Variants in PSMB2 observed in about 807,000 individuals in gnomAD.
The protein encoded by PSMB2 is proteasome 20S subunit beta 2, also known as proteasome subunit beta type-2.
In PSMB2, 13 loss-of-function variants were observed where a neutral mutation model predicts 25.7. That is an observed-to-expected ratio of 0.51 (90% confidence interval 0.33 to 0.80). The LOEUF (loss-of-function observed/expected upper bound fraction) is 0.80. Among genes scored for constraint, PSMB2 ranks in the 30% least tolerant of loss-of-function variants. PSMB2 has a pLI of 0.02. For missense variants in PSMB2, 202 were observed against 259.0 expected, an observed-to-expected ratio of 0.78 and a Z score of 1.51; for synonymous variants, 87 against 96.2, an observed-to-expected ratio of 0.90 and a Z score of 0.56.
intron 3 of PSMB2, among the ~76,000 whole-genome samples, chr1:35,623,620 T>C (rs1248372380): frequency 6.6e-6 from 1 of 152,186 alleles, no homozygotes; most frequent in Non-Finnish European, 1.5e-5. Flanking sequence ...AATAAACACA[T>C]CTGCCTTTGC....
Position 35,599,818 on chromosome 1 carries a change from C to T in PSMB2, c.*3449G>A, listed in dbSNP as rs1012122857. 4.1e-6 allele frequency: 4 copies of T among 984,970 alleles called. No homozygotes were observed. In the African/African-American group the frequency reaches 7.0e-5, roughly 17 times the overall value. 61.0% of individuals were successfully genotyped at this position (984,970 alleles called of 1,614,324 possible). On this transcript the variant is annotated 3_prime_UTR_variant, in exon 6 of 6. Transcript: ENST00000373237. ...GTCTAAGAAACGATAGGGGGTGAAC[C>T]AGAGTAATGGGGATGGAGATTTATA...
chr1:35,615,598 G>A lies in PSMB2; in HGVS notation c.286-6190C>T, dbSNP rs115827509. On this transcript the variant is annotated intron_variant, in intron 3 of 5. Coordinates refer to ENST00000373237, the MANE Select transcript of PSMB2 (RefSeq NM_002794.5). ...AAGAGTCTGAGCGGTGACAAGCAGCGGTGTGACATCTGGCGGAAGCTAAAG... is the reference window on the plus strand; with the variant it reads ...AAGAGTCTGAGCGGTGACAAGCAGCAGTGTGACATCTGGCGGAAGCTAAAG... Among the ~76,000 whole-genome samples, 513 of 152,300 alleles carry A rather than the reference G, an allele frequency of 3.4e-3. 3 individuals are homozygous for A. The highest frequency in any genetic ancestry group is 0.012 in the African/African-American group (495 of 41,560).
At chr1:35,606,257 A>G (rs1162145095) in intron 4 of PSMB2, among the ~76,000 whole-genome samples, 1 of 152,208 alleles carries the variant, frequency 6.6e-6, no homozygotes, top group East Asian at 1.9e-4. Flanking sequence ...GCAGGAAGTC[A>G]AATGTCCCTA....
chr1:35,618,865 C>G (rs562062218), intron 3 of PSMB2, among the ~76,000 whole-genome samples: 75 of 152,344 alleles, frequency 4.9e-4, no homozygotes, highest in African/African-American at 1.7e-3. Flanking sequence ...ACCTGACTTT[C>G]TTGTTCTTTC....
At position 35,601,865 on chromosome 1, in the gene PSMB2, C is replaced by A; in HGVS notation, c.*1402G>T. On this transcript the variant is annotated 3_prime_UTR_variant, in exon 6 of 6. Coordinates refer to ENST00000373237, the MANE Select transcript of PSMB2 (RefSeq NM_002794.5). ...AATAGCTTTAACCACAAAACATCCACATTGTTCCCTAAAGTTATGCTAAGA... is the reference window on the plus strand; with the variant it reads ...AATAGCTTTAACCACAAAACATCCAAATTGTTCCCTAAAGTTATGCTAAGA... 1.0e-6 allele frequency: 1 copy of A among 985,460 alleles called. No individual in the cohort carries two copies. Among genetic ancestry groups the A allele is most frequent in the Admixed American group, 6.1e-5 (1 of 16,286 alleles). The allele number at this position is 985,460 out of a possible 1,614,324, so 61.0% of individuals were successfully genotyped here. A position where few individuals can be genotyped will look rare whatever the true frequency, so the allele number is the denominator to read the frequency against.
intron 3 of PSMB2, among the ~76,000 whole-genome samples, chr1:35,613,915 C>T (rs559046101): frequency 2.0e-5 from 3 of 152,214 alleles, no homozygotes; most frequent in African/African-American, 7.2e-5. Context: ...GTGTAATGCC[C>T]GAAACAGTAA....
chr1:35,604,528 C>T (rs1229759045), intron 5 of PSMB2, among the ~76,000 whole-genome samples: 1 of 152,114 alleles, frequency 6.6e-6, no homozygotes, highest in African/African-American at 2.4e-5. Flanking sequence ...GCCTGTAATC[C>T]CAGCACTTTG....
intron 4 of PSMB2, among the ~76,000 whole-genome samples, chr1:35,606,484 T>A (rs1043542729): frequency 2.0e-5 from 3 of 152,000 alleles, no homozygotes; most frequent in Non-Finnish European, 4.4e-5. Context: ...AGGAATAAAT[T>A]TAACCAAGGA....
intron 3 of PSMB2, among the ~76,000 whole-genome samples, chr1:35,625,528 C>G (rs1485067914): frequency 6.6e-6 from 1 of 152,020 alleles, no homozygotes; most frequent in African/African-American, 2.4e-5. Flanking sequence ...TTTGGGAGGC[C>G]AAGGCGGGTG....
chr1:35,623,275 C>T (rs370519206), intron 3 of PSMB2, among the ~76,000 whole-genome samples: 108 of 152,282 alleles, frequency 7.1e-4, no homozygotes, highest in African/African-American at 2.4e-3. Context: ...CCAGTTTTTA[C>T]TTTATGTCCT....
chr1:35,620,902 G>T (rs1650663092), intron 3 of PSMB2, among the ~76,000 whole-genome samples: 1 of 151,896 alleles, frequency 6.6e-6, no homozygotes, highest in African/African-American at 2.4e-5. Flanking sequence ...CTGGCCTCAG[G>T]TGATCCACCT....
At chr1:35,621,013 A>AT (rs1650665958) in intron 3 of PSMB2, among the ~76,000 whole-genome samples, 1 of 151,670 alleles carries the variant, frequency 6.6e-6, no homozygotes, top group African/African-American at 2.4e-5. Context: ...TAAATAAATA[A>AT]ATATATATAT....
chr1:35,627,461 G>C (rs1650900129), intron 3 of PSMB2, among the ~76,000 whole-genome samples: 2 of 151,932 alleles, frequency 1.3e-5, no homozygotes, highest in Non-Finnish European at 2.9e-5. Flanking sequence ...TTCGGGACCA[G>C]CCTGGCAACA....
intron 3 of PSMB2, among the ~76,000 whole-genome samples, chr1:35,627,530 C>A (rs1177371182): frequency 2.6e-5 from 4 of 151,884 alleles, no homozygotes; most frequent in Admixed American, 6.6e-5. Flanking sequence ...ACCTACAGTC[C>A]CAGCTGCCAG....
In PSMB2 at chr1:35,600,362, A is replaced by G. The variant is rs1557443285; in HGVS notation, c.*2905T>C. On this transcript the variant is annotated 3_prime_UTR_variant, in exon 6 of 6. Transcript: ENST00000373237. ...GCCTGGAGCTTAGTAATACTAATACACCAACCAATGTTGGTTTCTCAGTTT... is the reference window on the plus strand; with the variant it reads ...GCCTGGAGCTTAGTAATACTAATACGCCAACCAATGTTGGTTTCTCAGTTT... 1 of 839,052 alleles carries G rather than the reference A, an allele frequency of 1.2e-6. No homozygotes were observed. Among genetic ancestry groups the G allele is most frequent in the Non-Finnish European group, 1.4e-6 (1 of 696,798 alleles). 52.0% of individuals were successfully genotyped at this position (839,052 alleles called of 1,614,324 possible).
intron 3 of PSMB2, among the ~76,000 whole-genome samples, chr1:35,628,623 A>T (rs1249850508): frequency 6.5e-4 from 30 of 46,454 alleles, no homozygotes; most frequent in African/African-American, 2.4e-3. Flanking sequence ...ATATATATAT[A>T]TATATATATT....
chr1:35,632,745 T>C (rs753447878), intron 2 of PSMB2, among the ~76,000 whole-genome samples: 17 of 151,716 alleles, frequency 1.1e-4, no homozygotes, highest in Non-Finnish European at 2.2e-4. Flanking sequence ...AATATAAAAA[T>C]TAGCCAGGGG....
At chr1:35,617,028 T>TA (rs34123274) in intron 3 of PSMB2, among the ~76,000 whole-genome samples, 2 of 152,182 alleles carry the variant, frequency 1.3e-5, no homozygotes, top group African/African-American at 2.4e-5. Flanking sequence ...GAGAACTACC[T>TA]AAGCAATATG....
rs139705648 is a variant in PSMB2, at chr1:35,603,338, T to C, written c.535A>G (p.Ser179Gly). The change falls in exon 6 of 6, where the codon AGT becomes GGT. Residue 179 changes from serine to glycine, a missense_variant. Physicochemically the swap from Ser to Gly is moderately conservative, Grantham distance 56. Coordinates refer to ENST00000373237, the MANE Select transcript of PSMB2 (RefSeq NM_002794.5). ...KRFILNLPTFSVRIIDKNGIH... is the reference protein window; with the variant it reads ...KRFILNLPTFGVRIIDKNGIH... ...CCATTTTTGTCAATGATTCGAACAC[T>C]GAAGGTTGGCAGATTCAGGATGAAG... 2,393 of 1,614,128 alleles carry C rather than the reference T, an allele frequency of 1.5e-3. 50 individuals are homozygous for C. The South Asian group carries it at 0.024, about 16-fold the overall frequency.
Sources: allele counts gnomAD v4.1 joint callset (sites outside exome capture counted in the v4.1 genomes callset), GRCh38; gene constraint gnomAD v4.1.1; transcripts MANE v1.5; gene names NCBI Gene and HGNC (gene_info 2026-07-23, HGNC 2026-07-21).